Variants in KCNJ6 observed in about 807,000 individuals in gnomAD.
KCNJ6 encodes potassium inwardly rectifying channel subfamily J member 6.
Under a neutral mutation model 34.2 loss-of-function variants are expected in KCNJ6, and 9 were observed. The ratio of observed to expected loss-of-function variants is 0.26; its 90% CI spans 0.16 to 0.46. The LOEUF is 0.46. Ranked by LOEUF, KCNJ6 falls within the 20% of genes least tolerant of loss-of-function variation. The pLI is 1.00. For missense variants in KCNJ6, 236 were observed against 531.3 expected (o/e 0.44, Z 5.46); for synonymous variants, 196 against 207.1 (o/e 0.95, Z 0.46).
At chr21:37,892,045 G>A (rs1400212348) in intron 1 of KCNJ6, among the ~76,000 whole-genome samples, 2 of 152,210 alleles carry the variant, frequency 1.3e-5, no homozygotes, top group Non-Finnish European at 2.9e-5. Context: ...TCTTTTTAAA[G>A]CATTCTTGTG....
At chr21:37,715,153 A>G in intron 2 of KCNJ6, 22 bp from the exon 3 acceptor site, 2 of 1,590,224 alleles carry the variant, frequency 1.3e-6, no homozygotes, top group African/African-American at 1.4e-5. Flanking sequence ...GAGAAAAGAA[A>G]AGAAACACTG....
At chr21:37,717,397 A>G (rs901398814) in intron 2 of KCNJ6, among the ~76,000 whole-genome samples, 4 of 149,672 alleles carry the variant, frequency 2.7e-5, no homozygotes, top group Non-Finnish European at 4.4e-5. Context: ...GGAGGGAGGC[A>G]GGGGCCATGT....
chr21:37,643,584 G>T (rs895563462), intron 3 of KCNJ6, among the ~76,000 whole-genome samples: 20 of 152,146 alleles, frequency 1.3e-4, no homozygotes, highest in African/African-American at 4.6e-4. Context: ...TGTGTGTCAG[G>T]GTCTCTATCT....
chr21:37,906,422 CCTT>C (rs1349302793), intron 1 of KCNJ6, among the ~76,000 whole-genome samples: 1 of 152,182 alleles, frequency 6.6e-6, no homozygotes, highest in East Asian at 1.9e-4. Flanking sequence ...CTGGGTTCCT[CCTT>C]AAAGCAGATC....
intron 2 of KCNJ6, among the ~76,000 whole-genome samples, chr21:37,832,158 C>T (rs1282877138): frequency 6.7e-6 from 1 of 148,898 alleles, no homozygotes; most frequent in Non-Finnish European, 1.5e-5. Context: ...ACTGAGTTGT[C>T]AAGAGTAATG....
At chr21:37,654,197 C>A (rs868084637) in intron 3 of KCNJ6, among the ~76,000 whole-genome samples, 2 of 147,466 alleles carry the variant, frequency 1.4e-5, no homozygotes, top group Non-Finnish European at 3.0e-5. Flanking sequence ...TTCATCCACA[C>A]TTTTTCCTTT....
chr21:37,704,612 C>T (rs2835901), intron 3 of KCNJ6, among the ~76,000 whole-genome samples: 61,262 of 151,872 alleles, frequency 0.4, 12,768 homozygotes, highest in Admixed American at 0.46. Flanking sequence ...ATTTACTTAG[C>T]AGATGAATAA....
intron 3 of KCNJ6, among the ~76,000 whole-genome samples, chr21:37,651,535 G>T (rs544084675): frequency 2.8e-4 from 42 of 152,258 alleles, no homozygotes; most frequent in African/African-American, 8.9e-4. Flanking sequence ...AGATTGGAGT[G>T]GTCATGCAGA....
chr21:37,851,509 T>C (rs1274710792), intron 1 of KCNJ6, among the ~76,000 whole-genome samples: 1 of 152,232 alleles, frequency 6.6e-6, no homozygotes, highest in Non-Finnish European at 1.5e-5. Flanking sequence ...ATTATTTTCT[T>C]GTGCTTCTTG....
chr21:37,825,091 G>A (rs1204302203), intron 2 of KCNJ6, among the ~76,000 whole-genome samples: 1 of 152,006 alleles, frequency 6.6e-6, no homozygotes, highest in Non-Finnish European at 1.5e-5. Context: ...TTGCATTTAG[G>A]GTCCACCTGG....
At chr21:37,651,756 A>T (rs1429584565) in intron 3 of KCNJ6, among the ~76,000 whole-genome samples, 3 of 152,138 alleles carry the variant, frequency 2.0e-5, no homozygotes, top group Non-Finnish European at 2.9e-5. Flanking sequence ...TTTAGTTTGG[A>T]CAGGTTAAGT....
At chr21:37,717,701 G>C (rs1034509505) in intron 2 of KCNJ6, among the ~76,000 whole-genome samples, 1 of 152,246 alleles carries the variant, frequency 6.6e-6, no homozygotes, top group African/African-American at 2.4e-5. Flanking sequence ...GGGTCCAGCA[G>C]GCCTGGTGTA....
chr21:37,857,285 G>T lies in KCNJ6; in HGVS notation c.-27-16576C>A, dbSNP rs1286743718. 2.0e-5 allele frequency among the ~76,000 whole-genome samples: 3 copies of T among 152,206 alleles called. No homozygotes were observed. In the East Asian group the frequency reaches 5.8e-4, roughly 29 times the overall value. On this transcript the variant is annotated intron_variant, in intron 1 of 3. Coordinates refer to ENST00000609713, the MANE Select transcript of KCNJ6 (RefSeq NM_002240.5). Reference sequence around the variant, plus strand: ...AGGATAAAGGTGGTGAGTGAGAAACGATGCCTAGCCCCAGAAATCTATGGC... The same window carrying T: ...AGGATAAAGGTGGTGAGTGAGAAACTATGCCTAGCCCCAGAAATCTATGGC...
chr21:37,830,514 C>A (rs554278476), intron 2 of KCNJ6, among the ~76,000 whole-genome samples: 1 of 152,026 alleles, frequency 6.6e-6, no homozygotes, highest in Non-Finnish European at 1.5e-5. Flanking sequence ...TACTGGCTTC[C>A]GGTGGGTTGA....
chr21:37,787,144 C>A (rs2055196598), intron 2 of KCNJ6, among the ~76,000 whole-genome samples: 1 of 152,108 alleles, frequency 6.6e-6, no homozygotes, highest in Admixed American at 6.6e-5. Flanking sequence ...TTAAAAAAAA[C>A]AACAAATGAG....
chr21:37,914,586 C>G (rs62222006), intron 1 of KCNJ6, among the ~76,000 whole-genome samples: 1 of 152,206 alleles, frequency 6.6e-6, no homozygotes, highest in Non-Finnish European at 1.5e-5. Flanking sequence ...TTTTTTTCCC[C>G]TATAACTGGA....
chr21:37,750,117 C>G (rs941969135), intron 2 of KCNJ6, among the ~76,000 whole-genome samples: 3 of 152,042 alleles, frequency 2.0e-5, no homozygotes, highest in Non-Finnish European at 2.9e-5. Context: ...AGCCAACAAA[C>G]ATATGAAAAA....
chr21:37,905,053 G>C (rs1024344761), intron 1 of KCNJ6, among the ~76,000 whole-genome samples: 47 of 152,182 alleles, frequency 3.1e-4, no homozygotes, highest in African/African-American at 1.0e-3. Context: ...AGCCACGTGC[G>C]CTCCCTCTGG....
intron 2 of KCNJ6, among the ~76,000 whole-genome samples, chr21:37,825,700 A>G (rs2055395795): frequency 6.6e-6 from 1 of 152,150 alleles, no homozygotes; most frequent in African/African-American, 2.4e-5. Context: ...AGACTGGGTA[A>G]TTTATATAGA....
Sources: allele counts gnomAD v4.1 joint callset (sites outside exome capture counted in the v4.1 genomes callset), GRCh38; gene constraint gnomAD v4.1.1; transcripts MANE v1.5; gene names NCBI Gene and HGNC (gene_info 2026-07-23, HGNC 2026-07-21).